The following PPM1H variants were observed in gnomAD, a reference collection of about 807,000 sequenced individuals.
PPM1H encodes protein phosphatase, Mg2+/Mn2+ dependent 1H, also known as protein phosphatase 1H.
A neutral mutation model predicts 54.9 loss-of-function variants in PPM1H; 27 were observed. The ratio of observed to expected loss-of-function variants is 0.49; its 90% CI spans 0.36 to 0.68. The LOEUF (loss-of-function observed/expected upper bound fraction) is 0.68, where lower values mean the gene tolerates loss of function less well. Ranked by LOEUF, PPM1H falls within the 30% of genes least tolerant of loss-of-function variation. The probability of loss-of-function intolerance (pLI) is 0.00; values close to 1 mark genes in which losing one functional copy is unlikely to be tolerated. For synonymous variants in PPM1H, 305 were observed against 270.8 expected (o/e 1.13, Z -1.24); for missense variants, 596 against 667.8 (o/e 0.89, Z 1.19).
At chr12:62,754,142 T>C (rs1247503466) in intron 4 of PPM1H, among the ~76,000 whole-genome samples, 1 of 152,182 alleles carries the variant, frequency 6.6e-6, no homozygotes, top group African/African-American at 2.4e-5. Context: ...CTGTTAGGGA[T>C]CTGGAAGGAA....
Position 62,646,588 on chromosome 12 carries a change from A to AAACTT in PPM1H, c.*1896_*1900dup, listed in dbSNP as rs2075786129. ...TGCCACGAAGCAAAGCATTTTCCAC[A>AAACTT]AACTTCTCTCCATAGAGATATCTGG... is the stretch of plus-strand genomic sequence containing the variant. On this transcript the variant is annotated 3_prime_UTR_variant, in exon 10 of 10. Coordinates refer to ENST00000228705, the MANE Select transcript of PPM1H (RefSeq NM_020700.2). 6.6e-6 allele frequency: 1 copy of AAACTT among 152,244 alleles called. No individual in the cohort carries two copies. 9.4% of individuals were successfully genotyped at this position (152,244 alleles called of 1,614,324 possible). A position where few individuals can be genotyped will look rare whatever the true frequency, so the allele number is the denominator to read the frequency against.
At chr12:62,756,363 C>T in intron 4 of PPM1H, 2 of 459,552 alleles carry the variant, frequency 4.4e-6, no homozygotes, top group South Asian at 4.3e-5. Flanking sequence ...CATGTAGACC[C>T]CCTGAAAAGG....
At chr12:62,791,951 T>C (rs1240273341) in intron 3 of PPM1H, among the ~76,000 whole-genome samples, 2 of 152,170 alleles carry the variant, frequency 1.3e-5, no homozygotes, top group Non-Finnish European at 2.9e-5. Context: ...GAACACCTAC[T>C]GCTTGTATAC....
At chr12:62,661,755 T>C in intron 9 of PPM1H, among the ~76,000 whole-genome samples, 1 of 152,180 alleles carries the variant, frequency 6.6e-6, no homozygotes, top group Non-Finnish European at 1.5e-5. Context: ...AGTCTTGCTG[T>C]GTTGTCCAGG....
At chr12:62,833,439 A>G (rs1364684566) in intron 1 of PPM1H, among the ~76,000 whole-genome samples, 3 of 152,202 alleles carry the variant, frequency 2.0e-5, no homozygotes, top group Non-Finnish European at 2.9e-5. Context: ...CTTTTGACCA[A>G]TTCCCCAAAC....
intron 5 of PPM1H, among the ~76,000 whole-genome samples, chr12:62,725,654 T>C (rs1424412009): frequency 6.6e-6 from 1 of 152,202 alleles, no homozygotes; most frequent in Admixed American, 6.5e-5. Flanking sequence ...ATTAAATAGA[T>C]TTGTATGCTT....
At chr12:62,830,061 A>C (rs147543752) in intron 2 of PPM1H, among the ~76,000 whole-genome samples, 59 of 152,362 alleles carry the variant, frequency 3.9e-4, no homozygotes, top group African/African-American at 1.2e-3. Context: ...CAAGTGAAGA[A>C]ACATGCAAAC....
At chr12:62,905,318 ATT>A (rs1871272994) in intron 1 of PPM1H, among the ~76,000 whole-genome samples, 1 of 152,162 alleles carries the variant, frequency 6.6e-6, no homozygotes, top group East Asian at 1.9e-4. Context: ...AAAGTTAGGG[ATT>A]GGCAAGGCTC....
intron 1 of PPM1H, among the ~76,000 whole-genome samples, chr12:62,877,376 G>A (rs1290458996): frequency 6.6e-6 from 1 of 152,146 alleles, no homozygotes; most frequent in Admixed American, 6.5e-5. Context: ...AGAGATTGGG[G>A]GCCCCTCACC....
chr12:62,750,148 A>G (rs993564254), intron 4 of PPM1H, among the ~76,000 whole-genome samples: 8 of 152,240 alleles, frequency 5.3e-5, no homozygotes, highest in African/African-American at 1.9e-4. Context: ...ATACCCTCTT[A>G]AAGTGATACA....
chr12:62,872,133 T>C (rs2121008290), intron 1 of PPM1H, among the ~76,000 whole-genome samples: 1 of 152,334 alleles, frequency 6.6e-6, no homozygotes, highest in Non-Finnish European at 1.5e-5. Flanking sequence ...ACATGTTAAT[T>C]AGAAGAAGAC....
chr12:62,772,418 T>A (rs1422024828), intron 4 of PPM1H, among the ~76,000 whole-genome samples: 1 of 152,254 alleles, frequency 6.6e-6, no homozygotes, highest in Non-Finnish European at 1.5e-5. Flanking sequence ...CTGTGCACTT[T>A]AGCTATGGGT....
intron 9 of PPM1H, among the ~76,000 whole-genome samples, chr12:62,659,671 C>T (rs1023597443): frequency 1.3e-4 from 20 of 152,178 alleles, no homozygotes; most frequent in African/African-American, 4.6e-4. Context: ...AACAATCAAA[C>T]GACAAAAGCC....
intron 9 of PPM1H, among the ~76,000 whole-genome samples, chr12:62,653,170 T>C (rs888393299): frequency 2.6e-5 from 4 of 152,212 alleles, no homozygotes; most frequent in Non-Finnish European, 5.9e-5. Flanking sequence ...TTGTTGCTGA[T>C]ATGAAGTACC....
At chr12:62,843,351 A>C (rs1221634253) in intron 1 of PPM1H, among the ~76,000 whole-genome samples, 1 of 152,076 alleles carries the variant, frequency 6.6e-6, no homozygotes, top group Non-Finnish European at 1.5e-5. Flanking sequence ...AAAAAACCAC[A>C]AGTGTTTTAT....
chr12:62,816,074 A>G (rs1464690016), intron 2 of PPM1H, among the ~76,000 whole-genome samples: 2 of 152,202 alleles, frequency 1.3e-5, no homozygotes, highest in Non-Finnish European at 2.9e-5. Context: ...TATTGAAATT[A>G]TACATGTCAA....
At chr12:62,921,116 G>A (rs1398104490) in intron 1 of PPM1H, among the ~76,000 whole-genome samples, 3 of 151,866 alleles carry the variant, frequency 2.0e-5, no homozygotes, top group East Asian at 1.9e-4. Context: ...GTAGAGATGG[G>A]GTTTTGCCAT....
intron 5 of PPM1H, among the ~76,000 whole-genome samples, chr12:62,732,465 T>C (rs1013670813): frequency 3.3e-5 from 5 of 152,208 alleles, no homozygotes; most frequent in Admixed American, 6.5e-5. Context: ...GACCACCTTC[T>C]TCACTAGCAA....
At chr12:62,708,598 G>A (rs912906871) in intron 6 of PPM1H, among the ~76,000 whole-genome samples, 4 of 152,206 alleles carry the variant, frequency 2.6e-5, no homozygotes, top group African/African-American at 7.2e-5. Flanking sequence ...GAGTGGTAGT[G>A]TACCTACTTC....
Sources: allele counts gnomAD v4.1 joint callset (sites outside exome capture counted in the v4.1 genomes callset), GRCh38; gene constraint gnomAD v4.1.1; transcripts MANE v1.5; gene names NCBI Gene and HGNC (gene_info 2026-07-23, HGNC 2026-07-21).